The following COBL variants were observed in gnomAD, a reference collection of about 807,000 sequenced individuals.
COBL encodes protein cordon-bleu.
Under a neutral mutation model 98.8 loss-of-function variants are expected in COBL, and 51 were observed. The observed-to-expected ratio is 0.52, with a 90% CI of 0.41 to 0.65. The LOEUF (loss-of-function observed/expected upper bound fraction) is 0.65, where lower values mean the gene tolerates loss of function less well. COBL is among the 30% of genes least tolerant of loss of function. The pLI is 0.00. For missense variants in COBL, 1,617 were observed against 1,617.5 expected, an observed-to-expected ratio of 1.00 and a Z score of 0.01; for synonymous variants, 634 against 651.7, an observed-to-expected ratio of 0.97 and a Z score of 0.41.
chr7:51,112,215 GAGTA>G (rs1425708371), intron 6 of COBL, among the ~76,000 whole-genome samples: 2 of 152,176 alleles, frequency 1.3e-5, no homozygotes, highest in African/African-American at 4.8e-5. Flanking sequence ...TCTGTACATA[GAGTA>G]AGTATCTTTG....
At chr7:51,017,864 T>C (rs1182151915) in intron 12 of COBL, among the ~76,000 whole-genome samples, 2 of 152,218 alleles carry the variant, frequency 1.3e-5, no homozygotes, top group Admixed American at 1.3e-4. Flanking sequence ...CAGAGGACAC[T>C]GCCTCTTGGG....
intron 1 of COBL, among the ~76,000 whole-genome samples, chr7:51,300,593 C>T (rs1055672572): frequency 3.9e-5 from 6 of 152,180 alleles, no homozygotes; most frequent in African/African-American, 1.4e-4. Flanking sequence ...CTCCTACAGG[C>T]CTGGGTCTGC....
In COBL at chr7:51,030,818, G is replaced by T; in HGVS notation, c.1498C>A (p.Leu500Met). 1 of 1,606,232 alleles carries T rather than the reference G, an allele frequency of 6.2e-7. No individual in the cohort carries two copies. The highest frequency in any genetic ancestry group is 8.5e-7 in the Non-Finnish European group (1 of 1,173,220). Residue 500 changes from leucine (L) to methionine (M), a missense_variant, in exon 9 of 13, where the codon CTG becomes ATG. Coordinates refer to ENST00000265136, the MANE Select transcript of COBL (RefSeq NM_015198.5). ...CGGATCAGGTGGTTCTTACCTTCCA[G>T]GTCTTCATCAAGTTCTGCAAGGGTT... ...RKTLAELDED[L>M]EEMEDSYETD...
chr7:51,256,321 AT>A (rs1797191291), intron 1 of COBL, among the ~76,000 whole-genome samples: 1 of 152,204 alleles, frequency 6.6e-6, no homozygotes, highest in Non-Finnish European at 1.5e-5. Context: ...AGGCCATGAA[AT>A]TCCCTGCAGG....
intron 7 of COBL, among the ~76,000 whole-genome samples, chr7:51,075,326 T>C (rs182078557): frequency 2.6e-5 from 4 of 152,356 alleles, no homozygotes; most frequent in Admixed American, 2.0e-4. Context: ...AGTTTCTTGA[T>C]GGTTGATTTC....
intron 1 of COBL, among the ~76,000 whole-genome samples, chr7:51,278,580 A>G (rs1206143141): frequency 6.6e-6 from 1 of 151,770 alleles, no homozygotes; most frequent in African/African-American, 2.4e-5. Context: ...GGGTTTCACC[A>G]TGTTGGCCAG....
chr7:51,144,415 C>T (rs994079879), intron 5 of COBL, among the ~76,000 whole-genome samples: 3 of 152,156 alleles, frequency 2.0e-5, no homozygotes, highest in Non-Finnish European at 2.9e-5. Context: ...CTCAGCTGCA[C>T]GGAACTCCCT....
At chr7:51,047,176 G>T (rs1303914386) in intron 7 of COBL, among the ~76,000 whole-genome samples, 1 of 152,198 alleles carries the variant, frequency 6.6e-6, no homozygotes, top group Non-Finnish European at 1.5e-5. Context: ...AGTTATTACT[G>T]CAGGATTTTT....
At chr7:51,242,167 A>T (rs183916201) in intron 1 of COBL, among the ~76,000 whole-genome samples, 166 of 152,306 alleles carry the variant, frequency 1.1e-3, no homozygotes, top group Non-Finnish European at 4.7e-4. Flanking sequence ...CATAGGGTGT[A>T]ACTTTATAAC....
Position 51,016,435 on chromosome 7 carries a change from A to T in COBL, c.*1116T>A, listed in dbSNP as rs1383477117. ...CAGATACACATTTTATTTCATCAAC[A>T]CATCTTGATTTCTATTACTTTTTTC... On this transcript the variant is annotated 3_prime_UTR_variant, in exon 13 of 13. Transcript: ENST00000265136. 6.6e-6 allele frequency: 1 copy of T among 152,366 alleles called. No individual in the cohort carries two copies. Among genetic ancestry groups the T allele is most frequent in the African/African-American group, 2.4e-5 (1 of 41,462 alleles). The allele number at this position is 152,366 out of a possible 1,614,324, so 9.4% of individuals were successfully genotyped here. A position where few individuals can be genotyped will look rare whatever the true frequency, so the allele number is the denominator to read the frequency against.
chr7:51,107,095 T>TG (rs1275031193), intron 6 of COBL, among the ~76,000 whole-genome samples: 1 of 144,300 alleles, frequency 6.9e-6, no homozygotes, highest in Non-Finnish European at 1.5e-5. Flanking sequence ...TTTGTTTGTT[T>TG]TTTTTTTTTT....
Position 51,028,370 on chromosome 7 carries a change from G to A in COBL, c.2726C>T (p.Thr909Ile), listed in dbSNP as rs1483889095. ...KAPVLAAPPVTVKDDRTSSPH... is the reference protein window; with the variant it reads ...KAPVLAAPPVIVKDDRTSSPH... ...GCTGGATGTCCTGTCATCTTTCACAGTGACAGGTGGTGCAGCCAGCACTGG... is the reference window on the plus strand; with the variant it reads ...GCTGGATGTCCTGTCATCTTTCACAATGACAGGTGGTGCAGCCAGCACTGG... Residue 909 changes from threonine to isoleucine, a missense_variant, in exon 10 of 13, where the codon ACT (threonine) becomes ATT (isoleucine). Physicochemically the swap from Thr to Ile is moderately conservative, Grantham distance 89. Transcript: ENST00000265136. 6.2e-7 allele frequency: 1 copy of A among 1,614,156 alleles called. No individual in the cohort carries two copies. The highest frequency in any genetic ancestry group is 1.3e-5 in the African/African-American group (1 of 74,950).
At chr7:51,214,147 T>C (rs1333108349) in intron 2 of COBL, among the ~76,000 whole-genome samples, 1 of 151,950 alleles carries the variant, frequency 6.6e-6, no homozygotes, top group Admixed American at 6.6e-5. Flanking sequence ...GCATCTGCAA[T>C]CCCAGCTACT....
rs549161328 is a variant in COBL, at chr7:51,095,694, A to G, written c.958-10390T>C. 7.9e-5 allele frequency among the ~76,000 whole-genome samples: 12 copies of G among 152,292 alleles called. No individual in the cohort carries two copies. In the South Asian group the frequency reaches 2.3e-3, roughly 29 times the overall value. On this transcript the variant is annotated intron_variant, in intron 6 of 12. Transcript: ENST00000265136. Reference sequence around the variant, plus strand: ...AAATAGGCTGGAAGTAAAAGGAGGGAAAAAGATATTCCATGCAAATAGTAA... The same window carrying G: ...AAATAGGCTGGAAGTAAAAGGAGGGGAAAAGATATTCCATGCAAATAGTAA...
chr7:51,049,309 T>C (rs1390295781), intron 7 of COBL, among the ~76,000 whole-genome samples: 1 of 152,168 alleles, frequency 6.6e-6, no homozygotes, highest in African/African-American at 2.4e-5. Context: ...CCCAGTGAGT[T>C]TCCTGATGGG....
intron 7 of COBL, among the ~76,000 whole-genome samples, chr7:51,063,888 T>C (rs1791636677): frequency 6.6e-6 from 1 of 152,200 alleles, no homozygotes; most frequent in Admixed American, 6.5e-5. Flanking sequence ...TCAAAAGCAC[T>C]TTTTCTTTCA....
intron 1 of COBL, among the ~76,000 whole-genome samples, chr7:51,267,352 G>A (rs12536110): frequency 0.31 from 47,848 of 152,010 alleles, 9,248 homozygotes; most frequent in Non-Finnish European, 0.43. Flanking sequence ...AACAAAACCA[G>A]CGCAGGACCT....
intron 7 of COBL, among the ~76,000 whole-genome samples, chr7:51,044,486 T>C (rs974899213): frequency 1.3e-5 from 2 of 152,230 alleles, no homozygotes; most frequent in Admixed American, 6.5e-5. Context: ...GAAGCCTCTA[T>C]GCAAAGAGAT....
chr7:51,228,609 C>G (rs1237032085), intron 1 of COBL, among the ~76,000 whole-genome samples: 1 of 152,138 alleles, frequency 6.6e-6, no homozygotes, highest in Non-Finnish European at 1.5e-5. Context: ...AGATAGGATT[C>G]TCTAAGACAT....
Sources: gnomAD v4.1 joint callset for allele counts (sites outside exome capture counted in the v4.1 genomes callset) on GRCh38, gnomAD v4.1.1 for gene constraint, MANE v1.5 for transcripts, NCBI Gene and HGNC (gene_info 2026-07-23, HGNC 2026-07-21) for gene names.